MAN1C1: variants seen among roughly 807,000 people sequenced by gnomAD.
MAN1C1 encodes mannosyl-oligosaccharide 1,2-alpha-mannosidase IC.
A neutral mutation model predicts 71.5 loss-of-function variants in MAN1C1; 49 were observed. The observed-to-expected ratio is 0.69, with a 90% CI of 0.54 to 0.87. The LOEUF is 0.87. Among genes scored for constraint, MAN1C1 ranks in the 40% least tolerant of loss-of-function variants. MAN1C1 has a pLI of 0.00. For synonymous variants in MAN1C1, 352 were observed against 343.7 expected, an observed-to-expected ratio of 1.02 and a Z score of -0.27; for missense variants, 743 against 835.0, an observed-to-expected ratio of 0.89 and a Z score of 1.36.
At chr1:25,672,277 G>GCTTA (rs1295297656) in intron 1 of MAN1C1, among the ~76,000 whole-genome samples, 2 of 152,344 alleles carry the variant, frequency 1.3e-5, no homozygotes, top group Middle Eastern at 3.4e-3. Context: ...ATGGGATGGT[G>GCTTA]CTTACCTACA....
intron 2 of MAN1C1, 84 bp downstream of exon 2, chr1:25,686,620 A>G (rs2046235633): frequency 8.5e-7 from 1 of 1,179,472 alleles, no homozygotes; most frequent in East Asian, 2.3e-5. Context: ...TTGGCTTTTC[A>G]CCTCCTGAGC....
intron 1 of MAN1C1, among the ~76,000 whole-genome samples, chr1:25,643,421 A>ATT (rs11326338): frequency 2.0e-4 from 23 of 115,436 alleles, no homozygotes; most frequent in South Asian, 8.3e-4. Flanking sequence ...CGCCTGGCTA[A>ATT]TTTTTTTTTT....
chr1:25,620,922 C>G (rs1297588042), intron 1 of MAN1C1, among the ~76,000 whole-genome samples: 3 of 152,214 alleles, frequency 2.0e-5, no homozygotes, highest in African/African-American at 7.2e-5. Flanking sequence ...CACTCTGTCA[C>G]TAGAACCAAC....
chr1:25,617,725 C>A lies in MAN1C1; in HGVS notation c.-73C>A. On this transcript the variant is annotated 5_prime_UTR_variant, in exon 1 of 12. Coordinates refer to ENST00000374332, the MANE Select transcript of MAN1C1 (RefSeq NM_020379.4). The surrounding 1 kb of genome is among the most constrained non-coding windows in gnomAD (Gnocchi z 5.1). ...CCCATCCCGGGCGGCGCTCCGGACG[C>A]CCTCCCCTCACCGCGCCCCCGCAGA... 6.9e-7 allele frequency: 1 copy of A among 1,442,072 alleles called. No homozygotes were observed. The highest frequency in any genetic ancestry group is 9.2e-7 in the Non-Finnish European group (1 of 1,090,462). 89.3% of individuals were successfully genotyped at this position (1,442,072 alleles called of 1,614,324 possible). A position where few individuals can be genotyped will look rare whatever the true frequency, so the allele number is the denominator to read the frequency against.
At chr1:25,643,223 C>A (rs906947396) in intron 1 of MAN1C1, among the ~76,000 whole-genome samples, 1 of 146,200 alleles carries the variant, frequency 6.8e-6, no homozygotes, top group Non-Finnish European at 1.5e-5. Context: ...CTTAGTCCTA[C>A]CTCCCTTTTA....
chr1:25,703,275 A>G (rs1163828466), intron 2 of MAN1C1, among the ~76,000 whole-genome samples: 1 of 152,102 alleles, frequency 6.6e-6, no homozygotes, highest in African/African-American at 2.4e-5. Flanking sequence ...CCACTTTACT[A>G]GGTGTGGCAG....
chr1:25,712,226 G>C (rs922953729), intron 2 of MAN1C1, among the ~76,000 whole-genome samples: 1 of 152,240 alleles, frequency 6.6e-6, no homozygotes, highest in African/African-American at 2.4e-5. Context: ...TGGCAGGGGA[G>C]CTCTTTTGTC....
At chr1:25,751,772 A>G (rs970436123) in intron 4 of MAN1C1, among the ~76,000 whole-genome samples, 1 of 152,186 alleles carries the variant, frequency 6.6e-6, no homozygotes, top group African/African-American at 2.4e-5. Context: ...AGAAGCAGTA[A>G]CTGGCTCCGG....
At chr1:25,762,127 CTTTT>C (rs869136886) in intron 6 of MAN1C1, among the ~76,000 whole-genome samples, 24 of 27,672 alleles carry the variant, frequency 8.7e-4, no homozygotes, top group African/African-American at 4.2e-3. Flanking sequence ...CTTTTCTTTT[CTTTT>C]TTTTTTTTTT....
rs773787270 is a variant in MAN1C1 at position 25,769,203 on chromosome 1, ACC to A, written c.1142-2451_1142-2450del. ...TTACACACACTCGCCTCATGCACAC[ACC>A]CCACACACTACACATAGTCCCCTCA... On this transcript the variant is annotated intron_variant, in intron 7 of 11. Transcript: ENST00000374332. The surrounding 1 kb of genome is among the most constrained non-coding windows in gnomAD (Gnocchi z 4.8). Among the ~76,000 whole-genome samples, 4 of 143,676 alleles carry A rather than the reference ACC, an allele frequency of 2.8e-5. No individual in the cohort carries two copies. The highest frequency in any genetic ancestry group is 6.9e-5 in the Admixed American group (1 of 14,496). 94.3% of individuals were successfully genotyped at this position (143,676 alleles called of 152,430 possible). A position where few individuals can be genotyped will look rare whatever the true frequency, so the allele number is the denominator to read the frequency against.
intron 1 of MAN1C1, among the ~76,000 whole-genome samples, chr1:25,641,096 T>C (rs2143102): frequency 0.97 from 147,571 of 152,292 alleles, 71,537 homozygotes; most frequent in East Asian, 1. Flanking sequence ...GTAAGAATCC[T>C]CAGGGAGTCT....
chr1:25,683,760 A>T (rs542025153), intron 1 of MAN1C1, among the ~76,000 whole-genome samples: 1 of 152,134 alleles, frequency 6.6e-6, no homozygotes, highest in East Asian at 1.9e-4. Flanking sequence ...GGAGAGAGAG[A>T]AGGACCACCT....
intron 1 of MAN1C1, among the ~76,000 whole-genome samples, chr1:25,650,284 A>T (rs2045673415): frequency 6.7e-6 from 1 of 148,740 alleles, no homozygotes; most frequent in African/African-American, 2.6e-5. Flanking sequence ...AAAGGGATTA[A>T]TCGAGGCATC....
intron 10 of MAN1C1, 107 bp downstream of exon 10, chr1:25,781,219 G>A (rs2047690240): frequency 2.2e-5 from 26 of 1,207,580 alleles, no homozygotes; most frequent in Non-Finnish European, 2.7e-5. Context: ...GCCAAGCCAC[G>A]TTGACCTCTG....
chr1:25,770,827 CTCTG>C (rs902801380), intron 7 of MAN1C1, among the ~76,000 whole-genome samples: 8 of 150,778 alleles, frequency 5.3e-5, no homozygotes, highest in African/African-American at 1.7e-4. Flanking sequence ...TCTTTCTTCT[CTCTG>C]TCTCTCTGCT....
rs201325829 is a variant in MAN1C1 at position 25,782,633 on chromosome 1, G to A, written c.1699G>A (p.Asp567Asn). 1 of 1,614,114 alleles carries A rather than the reference G, an allele frequency of 6.2e-7. No individual in the cohort carries two copies. The highest frequency in any genetic ancestry group is 8.5e-7 in the Non-Finnish European group (1 of 1,180,016). Residue 567 changes from aspartate to asparagine, a missense_variant, in exon 11 of 12, where the codon GAC (aspartate) becomes AAC (asparagine). Coordinates refer to ENST00000374332, the MANE Select transcript of MAN1C1 (RefSeq NM_020379.4). This position sits in a 1 kb window ranked among gnomAD's most constrained non-coding sequence, Gnocchi z 4.4. ...AGAAGCCGGTTTCTCTGGGATCCAA[G>A]ACGTGTACAGTAGCACCCCCAACCA... The part of the protein sequence containing the change: ...RTEAGFSGIQ[D>N]VYSSTPNHDN...
intron 7 of MAN1C1, among the ~76,000 whole-genome samples, chr1:25,770,851 C>G (rs999658413): frequency 1.1e-4 from 16 of 151,870 alleles, no homozygotes; most frequent in African/African-American, 3.9e-4. Context: ...TTAAGTGAAT[C>G]AGAACACAGA....
chr1:25,768,073 A>T (rs114116522), intron 7 of MAN1C1, among the ~76,000 whole-genome samples: 12,503 of 22,910 alleles, frequency 0.55, 4,554 homozygotes, highest in East Asian at 0.9. Flanking sequence ...ACACACACAC[A>T]CTCCCCCCCA....
chr1:25,729,190 C>T (rs2124296064), intron 2 of MAN1C1, among the ~76,000 whole-genome samples: 1 of 152,326 alleles, frequency 6.6e-6, no homozygotes, highest in Non-Finnish European at 1.5e-5. Context: ...CCCCTTATTC[C>T]CTCCCCCGAA....
Sources: allele counts gnomAD v4.1 joint callset (sites outside exome capture counted in the v4.1 genomes callset), GRCh38; gene constraint gnomAD v4.1.1; non-coding constraint Gnocchi (gnomAD v3.1); transcripts MANE v1.5; gene names NCBI Gene and HGNC (gene_info 2026-07-23, HGNC 2026-07-21).